RNFT2: variants seen among roughly 807,000 people sequenced by gnomAD.
The protein encoded by RNFT2 is E3 ubiquitin-protein ligase RNFT2.
In RNFT2, 36 loss-of-function variants were observed where a neutral mutation model predicts 53.0. That is an observed-to-expected ratio of 0.68 (90% CI 0.52 to 0.90). The LOEUF is 0.90. Among genes scored for constraint, RNFT2 ranks in the 40% least tolerant of loss-of-function variants. The probability of loss-of-function intolerance (pLI) is 0.00; values close to 1 mark genes in which losing one functional copy is unlikely to be tolerated. For synonymous variants in RNFT2, 260 were observed against 253.2 expected, an observed-to-expected ratio of 1.03 and a Z score of -0.26; for missense variants, 514 against 585.6, an observed-to-expected ratio of 0.88 and a Z score of 1.26.
intron 3 of RNFT2, among the ~76,000 whole-genome samples, chr12:116,743,369 C>T (rs1871738991): frequency 6.6e-6 from 1 of 151,598 alleles, no homozygotes; most frequent in Admixed American, 6.6e-5. Context: ...TGGGTTCAAG[C>T]TACTCTCATG....
intron 4 of RNFT2, among the ~76,000 whole-genome samples, chr12:116,751,681 G>A (rs7953364): frequency 0.92 from 139,589 of 152,102 alleles, 64,247 homozygotes; most frequent in Non-Finnish European, 0.95. Flanking sequence ...GATTACAGGC[G>A]TGAGCTACTG....
intron 5 of RNFT2, among the ~76,000 whole-genome samples, chr12:116,756,272 G>C (rs1178844743): frequency 2.0e-5 from 3 of 151,812 alleles, no homozygotes; most frequent in Non-Finnish European, 4.4e-5. Context: ...CCTTGTAGAG[G>C]TTTTTCAACT....
At chr12:116,837,704 G>T (rs1263305205) in intron 10 of RNFT2, among the ~76,000 whole-genome samples, 2 of 152,088 alleles carry the variant, frequency 1.3e-5, no homozygotes, top group Non-Finnish European at 2.9e-5. Context: ...ACAGAGAAGG[G>T]ACATTAGTAG....
intron 5 of RNFT2, among the ~76,000 whole-genome samples, chr12:116,761,817 A>T (rs1380972315): frequency 6.6e-6 from 1 of 152,084 alleles, no homozygotes; most frequent in Non-Finnish European, 1.5e-5. Context: ...ACCCTCAATT[A>T]GGTTACCTTG....
In RNFT2 at chr12:116,779,220, G is replaced by T; in HGVS notation, c.754G>T (p.Glu252Ter). ...CCTCATATTCCTGAAGCCCAACCTG[G>T]AGATGCTGGACTTCTTTGACCTGCT... ...NSLIFLKPNL[E>*]MLDFFDLLWI... Residue 252 changes from glutamate to a stop codon, truncating the protein, a stop_gained, in exon 7 of 11, where the codon GAG (glutamate) becomes TAG (stop). Transcript: ENST00000257575. LOFTEE classifies it high-confidence loss of function. 1 of 1,614,000 alleles carries T rather than the reference G, an allele frequency of 6.2e-7. No homozygotes were observed. Among genetic ancestry groups the T allele is most frequent in the Non-Finnish European group, 8.5e-7 (1 of 1,179,888 alleles).
intron 7 of RNFT2, among the ~76,000 whole-genome samples, chr12:116,792,342 G>A (rs11068190): frequency 0.089 from 13,592 of 152,164 alleles, 1,696 homozygotes; most frequent in African/African-American, 0.28. Flanking sequence ...GAGCCACTGC[G>A]CCCAGCCTAG....
chr12:116,790,445 T>G lies in RNFT2; in HGVS notation c.882+11097T>G, dbSNP rs530231229. 2.6e-5 allele frequency among the ~76,000 whole-genome samples: 4 copies of G among 152,300 alleles called. No individual in the cohort carries two copies. The South Asian group carries it at 8.3e-4, about 32-fold the overall frequency. On this transcript the variant is annotated intron_variant, in intron 7 of 10. Coordinates refer to ENST00000257575, the MANE Select transcript of RNFT2 (RefSeq NM_001382266.1). ...CCCAGGAGGGTAGATGCTGTTGATATCTCTTTTCACAGAGAGGAAACTGAG... is the reference window on the plus strand; with the variant it reads ...CCCAGGAGGGTAGATGCTGTTGATAGCTCTTTTCACAGAGAGGAAACTGAG...
chr12:116,762,076 A>AC (rs1316106178), intron 5 of RNFT2, among the ~76,000 whole-genome samples: 1 of 151,320 alleles, frequency 6.6e-6, no homozygotes, highest in Non-Finnish European at 1.5e-5. Flanking sequence ...AAAAAAAAAA[A>AC]AAAACAGAAA....
At chr12:116,764,782 C>T (rs550073432) in intron 5 of RNFT2, among the ~76,000 whole-genome samples, 1 of 152,278 alleles carries the variant, frequency 6.6e-6, no homozygotes, top group East Asian at 1.9e-4. Context: ...ATCCCAGCCA[C>T]TTGGGAGGCT....
intron 7 of RNFT2, among the ~76,000 whole-genome samples, chr12:116,825,640 CT>C (rs1345915581): frequency 6.6e-6 from 1 of 152,168 alleles, no homozygotes; most frequent in Non-Finnish European, 1.5e-5. Flanking sequence ...TGAAGCTGGC[CT>C]TGTGGGAACA....
rs1566066745 is a variant in RNFT2 at position 116,743,232 on chromosome 12, A to AAAAAAAAAAAAAAAAAAAAAAAAAAAAAT, written c.83+2150_83+2151insAAAAAAAAAAAAAAAATAAAAAAAAAAAA. On this transcript the variant is annotated intron_variant, in intron 3 of 10. Coordinates refer to ENST00000257575, the MANE Select transcript of RNFT2 (RefSeq NM_001382266.1). ...AGAATCTAAAAAAAAAAAAAAAAAA[A>AAAAAAAAAAAAAAAAAAAAAAAAAAAAAT]AAAAAAAAAAAACCGGTTAAAAAAC... 3.2e-5 allele frequency among the ~76,000 whole-genome samples: 4 copies of AAAAAAAAAAAAAAAAAAAAAAAAAAAAAT among 124,180 alleles called. 2 individuals are homozygous for AAAAAAAAAAAAAAAAAAAAAAAAAAAAAT. Among genetic ancestry groups the AAAAAAAAAAAAAAAAAAAAAAAAAAAAAT allele is most frequent in the Non-Finnish European group, 6.6e-5 (4 of 60,176 alleles). 81.5% of individuals were successfully genotyped at this position (124,180 alleles called of 152,430 possible).
At chr12:116,844,290 G>A (rs1464452658) in intron 10 of RNFT2, among the ~76,000 whole-genome samples, 1 of 152,164 alleles carries the variant, frequency 6.6e-6, no homozygotes, top group Non-Finnish European at 1.5e-5. Context: ...GAATGTAGTG[G>A]CACGATCTTA....
At chr12:116,801,762 T>G (rs953710783) in intron 7 of RNFT2, among the ~76,000 whole-genome samples, 8 of 152,194 alleles carry the variant, frequency 5.3e-5, no homozygotes, top group Non-Finnish European at 8.8e-5. Flanking sequence ...AGGGAGATGT[T>G]AATAGGCATT....
At chr12:116,832,357 G>A (rs1031480846) in intron 7 of RNFT2, among the ~76,000 whole-genome samples, 2 of 151,828 alleles carry the variant, frequency 1.3e-5, no homozygotes, top group Non-Finnish European at 2.9e-5. Context: ...TCGACATAAT[G>A]TTTGTGACAT....
At chr12:116,739,739 A>C (rs913240324) in intron 1 of RNFT2, among the ~76,000 whole-genome samples, 2 of 152,216 alleles carry the variant, frequency 1.3e-5, no homozygotes, top group Admixed American at 1.3e-4. Flanking sequence ...GAATGGGAGG[A>C]AATGCAGTTG....
intron 7 of RNFT2, among the ~76,000 whole-genome samples, chr12:116,817,751 C>A (rs1875761386): frequency 6.6e-6 from 1 of 152,224 alleles, no homozygotes; most frequent in African/African-American, 2.4e-5. Flanking sequence ...ACACTTTACA[C>A]TCAAACAAAC....
intron 4 of RNFT2, among the ~76,000 whole-genome samples, chr12:116,752,222 G>A (rs1872285027): frequency 2.0e-5 from 3 of 151,864 alleles, no homozygotes; most frequent in Admixed American, 2.0e-4. Context: ...GCTTCGAGAG[G>A]AGATGAGACC....
intron 5 of RNFT2, among the ~76,000 whole-genome samples, chr12:116,762,751 A>G (rs543275673): frequency 6.6e-6 from 1 of 152,168 alleles, no homozygotes; most frequent in South Asian, 2.1e-4. Context: ...AGCTGAGATT[A>G]CAGGTGCATG....
intron 4 of RNFT2, among the ~76,000 whole-genome samples, chr12:116,753,048 G>A (rs952796214): frequency 2.6e-5 from 4 of 152,094 alleles, no homozygotes; most frequent in Middle Eastern, 3.4e-3. Context: ...CATCTGCCTG[G>A]GTCATGTTTG....
Sources: allele counts gnomAD v4.1 joint callset (sites outside exome capture counted in the v4.1 genomes callset), GRCh38; gene constraint gnomAD v4.1.1; transcripts MANE v1.5; gene names NCBI Gene and HGNC (gene_info 2026-07-23, HGNC 2026-07-21).